Variants in LTV1 observed in about 807,000 individuals in gnomAD.
LTV1 encodes LTV1 ribosome biogenesis factor, also known as protein LTV1 homolog.
A neutral mutation model predicts 59.9 loss-of-function variants in LTV1; 39 were observed. The observed-to-expected ratio is 0.65, with a 90% CI of 0.50 to 0.85. The LOEUF (loss-of-function observed/expected upper bound fraction) is 0.85. Ranked by LOEUF, LTV1 falls within the 40% of genes least tolerant of loss-of-function variation. The probability of loss-of-function intolerance (pLI) is 0.00; values close to 1 mark genes in which losing one functional copy is unlikely to be tolerated. For synonymous variants in LTV1, 171 were observed against 189.5 expected (o/e 0.90, Z 0.80); for missense variants, 493 against 549.1 (o/e 0.90, Z 1.02).
intron 1 of LTV1, among the ~76,000 whole-genome samples, chr6:143,843,682 G>A (rs975986009): frequency 6.6e-6 from 1 of 152,226 alleles, no homozygotes; most frequent in Non-Finnish European, 1.5e-5. Context: ...GCCTCCCTGG[G>A]ATGTGGCCCG....
At chr6:143,861,933 G>A (rs1400946599) in intron 7 of LTV1, among the ~76,000 whole-genome samples, 171 bp from the exon 8 acceptor site, 1 of 152,158 alleles carries the variant, frequency 6.6e-6, no homozygotes, top group South Asian at 2.1e-4. Flanking sequence ...GAGGGAAGAG[G>A]CAGGGCTGGG....
In LTV1 at chr6:143,857,258, G is replaced by C. The variant is rs779347165; in HGVS notation, c.398-45G>C. 2.3e-5 allele frequency: 37 copies of C among 1,607,182 alleles called. No individual in the cohort carries two copies. The highest frequency in any genetic ancestry group is 3.1e-5 in the Non-Finnish European group (37 of 1,175,010). ...ATATTGTGAGTTAAGTGAATGAATT[G>C]TTGCTATCTTGGGAATTACTGCTTA... On this transcript the variant is annotated intron_variant, in intron 4 of 10. Coordinates refer to ENST00000367576, the MANE Select transcript of LTV1 (RefSeq NM_032860.5). This position sits in a 1 kb window ranked among gnomAD's most constrained non-coding sequence, Gnocchi z 5.2.
chr6:143,845,843 G>A (rs1049561782), intron 2 of LTV1, among the ~76,000 whole-genome samples: 4 of 152,106 alleles, frequency 2.6e-5, no homozygotes, highest in African/African-American at 4.8e-5. Context: ...TTAATGTTAC[G>A]TAGCACTCTG....
chr6:143,844,146 G>C (rs1374633802), intron 1 of LTV1, among the ~76,000 whole-genome samples: 1 of 152,224 alleles, frequency 6.6e-6, no homozygotes, highest in African/African-American at 2.4e-5. Flanking sequence ...CCAGTGTAAA[G>C]TAGCTTTTAA....
chr6:143,850,259 T>G, intron 4 of LTV1, 41 bp downstream of exon 4: 1 of 1,491,312 alleles, frequency 6.7e-7, no homozygotes. Context: ...GATAAATGTA[T>G]TTTGCAAAAC....
At position 143,843,729 on chromosome 6, in the gene LTV1, C is replaced by A. The variant is rs575707250; in HGVS notation, c.3+249C>A. ...GGCCTTTTTGTTTTATCCCTGGGAGCCTGCAGCCCTGCGTGATTTCGGTTA... is the reference window on the plus strand; with the variant it reads ...GGCCTTTTTGTTTTATCCCTGGGAGACTGCAGCCCTGCGTGATTTCGGTTA... On this transcript the variant is annotated intron_variant, in intron 1 of 10. Coordinates refer to ENST00000367576, the MANE Select transcript of LTV1 (RefSeq NM_032860.5). 3.3e-5 allele frequency among the ~76,000 whole-genome samples: 5 copies of A among 152,220 alleles called. No individual in the cohort carries two copies. The South Asian group carries it at 8.3e-4, about 25-fold the overall frequency.
At chr6:143,859,652 A>G (rs1293645631) in intron 6 of LTV1, among the ~76,000 whole-genome samples, 1 of 152,216 alleles carries the variant, frequency 6.6e-6, no homozygotes, top group Non-Finnish European at 1.5e-5. Context: ...CTCACTCTTC[A>G]GGAGATATAT....
Position 143,863,166 on chromosome 6 carries a change from T to C in LTV1, c.1197T>C (p.Thr399=). ...LPKKGLTAKQ[T]ERIQMINGSD... ...AGAAAGGACTCACAGCAAAGCAAAC[T>C]GAAAGAATACAGATGATTAATGGCA... Residue 399 remains threonine (T), a synonymous_variant, in exon 10 of 11, where the codon ACT becomes ACC. Coordinates refer to ENST00000367576, the MANE Select transcript of LTV1 (RefSeq NM_032860.5). The surrounding 1 kb of genome is among the most constrained non-coding windows in gnomAD (Gnocchi z 4.5). 1 of 1,613,908 alleles carries C rather than the reference T, an allele frequency of 6.2e-7. No individual in the cohort carries two copies. Among genetic ancestry groups the C allele is most frequent in the Non-Finnish European group, 8.5e-7 (1 of 1,179,896 alleles).
Position 143,844,531 on chromosome 6 carries a change from T to C in LTV1, c.49T>C (p.Ser17Pro). 1 of 1,614,160 alleles carries C rather than the reference T, an allele frequency of 6.2e-7. No homozygotes were observed. Among genetic ancestry groups the C allele is most frequent in the Non-Finnish European group, 8.5e-7 (1 of 1,180,000 alleles). ...CTTTATAGAGAAGAAGAAAGCTGTG[T>C]CTTTTCACTTGGTCCACCGGAGCCA... ...KPFIEKKKAV[S>P]FHLVHRSQRD... is the part of the protein sequence containing the mutation. Residue 17 changes from serine to proline, a missense_variant, in exon 2 of 11, where the codon TCT becomes CCT. Transcript: ENST00000367576.
In LTV1 at chr6:143,855,257, T is replaced by C. The variant is rs1183236405; in HGVS notation, c.398-2046T>C. 6.6e-6 allele frequency among the ~76,000 whole-genome samples: 1 copy of C among 152,188 alleles called. No individual in the cohort carries two copies. The highest frequency in any genetic ancestry group is 1.5e-5 in the Non-Finnish European group (1 of 68,032). On this transcript the variant is annotated intron_variant, in intron 4 of 10. Transcript: ENST00000367576. The surrounding 1 kb of genome is among the most constrained non-coding windows in gnomAD (Gnocchi z 4.6). Reference sequence around the variant, plus strand: ...GTTTAGAGTCTGTTTTATCAGAGACTAGGATTGCAACACTTGCTGTTTTTG... The same window carrying C: ...GTTTAGAGTCTGTTTTATCAGAGACCAGGATTGCAACACTTGCTGTTTTTG...
At chr6:143,843,545 G>A in intron 1 of LTV1, 65 bp downstream of exon 1, 2 of 1,606,158 alleles carry the variant, frequency 1.2e-6, no homozygotes, top group African/African-American at 1.3e-5. Context: ...GGCTGCTTCC[G>A]GTAATACCTT....
Position 143,863,672 on chromosome 6 carries a change from T to G in LTV1, c.*145T>G. On this transcript the variant is annotated 3_prime_UTR_variant, in exon 11 of 11. Transcript: ENST00000367576. The surrounding 1 kb of genome is among the most constrained non-coding windows in gnomAD (Gnocchi z 4.5). ...AATATTTGTATTATTTTTATACTAGTAAGTGTCCCCTGCCAACCATCTTGT... is the reference window on the plus strand; with the variant it reads ...AATATTTGTATTATTTTTATACTAGGAAGTGTCCCCTGCCAACCATCTTGT... The G allele has an allele frequency of 2.0e-6, 1 of 507,708 alleles. No individual in the cohort carries two copies. Among genetic ancestry groups the G allele is most frequent in the Non-Finnish European group, 3.5e-6 (1 of 282,300 alleles). The allele number at this position is 507,708 out of a possible 1,614,324, so 31.5% of individuals were successfully genotyped here. A position where few individuals can be genotyped will look rare whatever the true frequency, so the allele number is the denominator to read the frequency against.
chr6:143,863,103 ATCT>A lies in LTV1; in HGVS notation c.1138_1140del (p.Ser380del). ...TATTTCAGCCCAAACAAATTCGAATATCTTCTAAAACAGGAATACCTCTCAATG... is the reference window on the plus strand; with the variant it reads ...TATTTCAGCCCAAACAAATTCGAATATCTAAAACAGGAATACCTCTCAATG... On this transcript the variant is annotated inframe_deletion, in exon 10 of 11. Transcript: ENST00000367576. This position sits in a 1 kb window ranked among gnomAD's most constrained non-coding sequence, Gnocchi z 4.5. The A allele has an allele frequency of 1.2e-6, 2 of 1,613,798 alleles. No individual in the cohort carries two copies. The highest frequency in any genetic ancestry group is 1.7e-6 in the Non-Finnish European group (2 of 1,179,826).
intron 3 of LTV1, among the ~76,000 whole-genome samples, chr6:143,846,785 A>G (rs751534891): frequency 1.3e-5 from 2 of 152,178 alleles, no homozygotes; most frequent in Admixed American, 1.3e-4. Flanking sequence ...TCCCCTGTTT[A>G]TGTTAAGAAT....
Position 143,862,202 on chromosome 6 carries a change from T to C in LTV1, c.1022T>C (p.Leu341Pro). The change falls in exon 8 of 11, where the codon CTT becomes CCT. Residue 341 changes from leucine (L) to proline (P), a missense_variant. Transcript: ENST00000367576. This position sits in a 1 kb window ranked among gnomAD's most constrained non-coding sequence, Gnocchi z 4.2. ...SEEEEMITVV[L>P]EEAKEKWDCE... is the part of the protein sequence containing the mutation. ...GAGGAAGAAATGATTACTGTAGTCC[T>C]TGAAGAAGCCAAAGAGAAGTGGGAT... The C allele has an allele frequency of 6.2e-7, 1 of 1,613,746 alleles. No individual in the cohort carries two copies. The highest frequency in any genetic ancestry group is 8.5e-7 in the Non-Finnish European group (1 of 1,179,676).
At chr6:143,851,755 G>A (rs1308669420) in intron 4 of LTV1, among the ~76,000 whole-genome samples, 6 of 151,902 alleles carry the variant, frequency 3.9e-5, no homozygotes, top group African/African-American at 1.5e-4. Flanking sequence ...CCCAGTGTGT[G>A]ATGTTCCCCT....
At chr6:143,847,253 G>T (rs1776909067) in intron 3 of LTV1, among the ~76,000 whole-genome samples, 1 of 152,216 alleles carries the variant, frequency 6.6e-6, no homozygotes, top group Admixed American at 6.5e-5. Context: ...ATAACCTATT[G>T]AAGGAGAGAA....
In LTV1 at chr6:143,863,716, A is replaced by G. The variant is rs1172927045; in HGVS notation, c.*189A>G. ...ATCTTGTAAATATTGTAATACTTTA[A>G]TTTTTAATATTATAAGCTTACATTT... On this transcript the variant is annotated 3_prime_UTR_variant, in exon 11 of 11. Transcript: ENST00000367576. The surrounding 1 kb of genome is among the most constrained non-coding windows in gnomAD (Gnocchi z 4.5). 9 of 435,070 alleles carry G rather than the reference A, an allele frequency of 2.1e-5. No homozygotes were observed. The highest frequency in any genetic ancestry group is 3.3e-5 in the Non-Finnish European group (8 of 240,462). The allele number at this position is 435,070 out of a possible 1,614,324, so 27.0% of individuals were successfully genotyped here.
chr6:143,856,018 A>T (rs1777070484), intron 4 of LTV1, among the ~76,000 whole-genome samples: 1 of 152,158 alleles, frequency 6.6e-6, no homozygotes, highest in African/African-American at 2.4e-5. Context: ...TAATATCCTG[A>T]AGAGTGTTTT....
Sources: allele counts gnomAD v4.1 joint callset (sites outside exome capture counted in the v4.1 genomes callset), GRCh38; gene constraint gnomAD v4.1.1; non-coding constraint Gnocchi (gnomAD v3.1); transcripts MANE v1.5; gene names NCBI Gene and HGNC (gene_info 2026-07-23, HGNC 2026-07-21).